The following ZC3H4 variants were observed in gnomAD, a reference collection of about 807,000 sequenced individuals.
The protein encoded by ZC3H4 is zinc finger CCCH domain-containing protein 4.
In ZC3H4, 13 loss-of-function variants were observed where a neutral mutation model predicts 108.3. The ratio of observed to expected loss-of-function variants is 0.12; its 90% CI spans 0.08 to 0.19. The LOEUF is 0.19. Ranked by LOEUF, ZC3H4 falls within the 10% of genes least tolerant of loss-of-function variation. The probability of loss-of-function intolerance (pLI) is 1.00; values close to 1 mark genes in which losing one functional copy is unlikely to be tolerated. For missense variants in ZC3H4, 1,734 were observed against 1,838.8 expected (o/e 0.94, Z 1.04); for synonymous variants, 917 against 749.6 (o/e 1.22, Z -3.65).
chr19:47,076,495 G>A (rs1388177125), intron 11 of ZC3H4, among the ~76,000 whole-genome samples: 7 of 152,186 alleles, frequency 4.6e-5, no homozygotes. Flanking sequence ...GAGTTTCTGG[G>A]GTGATGGAAT....
chr19:47,085,294 T>C, intron 7 of ZC3H4, 24 bp downstream of exon 7: 1 of 1,556,848 alleles, frequency 6.4e-7, no homozygotes. Flanking sequence ...CCACCCAGCG[T>C]GTCCTCTCCA....
At chr19:47,081,462 G>A (rs1487283564) in intron 11 of ZC3H4, 51 bp downstream of exon 11, 2 of 1,407,908 alleles carry the variant, frequency 1.4e-6, no homozygotes, top group Middle Eastern at 2.1e-4. Flanking sequence ...GCAATGGAGT[G>A]CGCATGTCCC....
At chr19:47,094,172 C>T (rs371516953) in intron 3 of ZC3H4, 92 bp from the exon 4 acceptor site, 12 of 1,332,620 alleles carry the variant, frequency 9.0e-6, no homozygotes, top group African/African-American at 1.4e-5. Context: ...TGGCATGTGC[C>T]GCAGGGCTCT....
Position 47,064,516 on chromosome 19 carries a change from C to T in ZC3H4, c.*1840G>A, listed in dbSNP as rs1320663955. Reference sequence around the variant, plus strand: ...GCTGAATATTCCAAGAGGAGGGCTCCAGCTTCTATTTCATCCACAGATTTC... The same window carrying T: ...GCTGAATATTCCAAGAGGAGGGCTCTAGCTTCTATTTCATCCACAGATTTC... On this transcript the variant is annotated 3_prime_UTR_variant, in exon 15 of 15. Coordinates refer to ENST00000253048, the MANE Select transcript of ZC3H4 (RefSeq NM_015168.2). 1 of 152,364 alleles carries T rather than the reference C, an allele frequency of 6.6e-6. No individual in the cohort carries two copies. The highest frequency in any genetic ancestry group is 1.5e-5 in the Non-Finnish European group (1 of 68,016). The allele number at this position is 152,364 out of a possible 1,614,324, so 9.4% of individuals were successfully genotyped here.
In ZC3H4 at chr19:47,085,115, C is replaced by G; in HGVS notation, c.1048G>C (p.Gly350Arg). 2 of 1,614,268 alleles carry G rather than the reference C, an allele frequency of 1.2e-6. No individual in the cohort carries two copies. The highest frequency in any genetic ancestry group is 1.1e-5 in the South Asian group (1 of 91,088). Residue 350 changes from glycine to arginine, a missense_variant, in exon 8 of 15, where the codon GGA becomes CGA. By Grantham distance (125) the Gly-to-Arg change is moderately radical (BLOSUM62 -2). Transcript: ENST00000253048. ...TTCATTCCGCCCTTGTTCATCCCTC[C>G]TCGGCTGCCACCTCGGCCTCGGCCC... ...GRGRGRGGSRGGMNKGGMNDD... is the reference protein window; with the variant it reads ...GRGRGRGGSRRGMNKGGMNDD...
rs1466849813 is a variant in ZC3H4 at position 47,064,887 on chromosome 19, A to G, written c.*1469T>C. 6.6e-6 allele frequency: 1 copy of G among 151,926 alleles called. No homozygotes were observed. Among genetic ancestry groups the G allele is most frequent in the Admixed American group, 6.6e-5 (1 of 15,234 alleles). The allele number at this position is 151,926 out of a possible 1,614,324, so 9.4% of individuals were successfully genotyped here. Reference sequence around the variant, plus strand: ...GTGGGGTGGGATAGGAGCCTTGTTCACCCCACCCTGAGGAGGAGGGAAGGG... The same window carrying G: ...GTGGGGTGGGATAGGAGCCTTGTTCGCCCCACCCTGAGGAGGAGGGAAGGG... On this transcript the variant is annotated 3_prime_UTR_variant, in exon 15 of 15. Coordinates refer to ENST00000253048, the MANE Select transcript of ZC3H4 (RefSeq NM_015168.2).
rs962863223 is a variant in ZC3H4 at position 47,064,259 on chromosome 19, G to A, written c.*2097C>T. On this transcript the variant is annotated 3_prime_UTR_variant, in exon 15 of 15. Transcript: ENST00000253048. ...TTAAGAGACCACAGGAGAAAGGCAG[G>A]TGACGTTTCTGGAAGACAGATATGG... 9.8e-5 allele frequency: 15 copies of A among 152,616 alleles called. No individual in the cohort carries two copies. Among genetic ancestry groups the A allele is most frequent in the Admixed American group, 8.5e-4 (13 of 15,272 alleles). 9.5% of individuals were successfully genotyped at this position (152,616 alleles called of 1,614,324 possible).
chr19:47,097,094 A>T, intron 2 of ZC3H4: 2 of 709,700 alleles, frequency 2.8e-6, no homozygotes, highest in Non-Finnish European at 3.5e-6. Flanking sequence ...ATCCAGAATG[A>T]TTCTAGAAAG....
chr19:47,104,697 A>AT (rs2057946898), intron 2 of ZC3H4, among the ~76,000 whole-genome samples: 1 of 152,220 alleles, frequency 6.6e-6, no homozygotes, highest in African/African-American at 2.4e-5. Flanking sequence ...CCTGCCTCGG[A>AT]TGCAGCCCAC....
intron 2 of ZC3H4, among the ~76,000 whole-genome samples, chr19:47,103,669 G>C (rs1056394697): frequency 1.3e-5 from 2 of 149,894 alleles, no homozygotes; most frequent in African/African-American, 4.9e-5. Context: ...GCTCATGCCT[G>C]TAATCCCAGC....
intron 9 of ZC3H4, 54 bp downstream of exon 9, chr19:47,084,291 T>G (rs1401860199): frequency 6.5e-7 from 1 of 1,543,900 alleles, no homozygotes; most frequent in Non-Finnish European, 8.9e-7. Flanking sequence ...GGAAGCCATG[T>G]GTCCTCTGGG....
At position 47,066,976 on chromosome 19, in the gene ZC3H4, C is replaced by T. The variant is rs778004264; in HGVS notation, c.3292G>A (p.Gly1098Ser). 3.8e-5 allele frequency: 60 copies of T among 1,589,330 alleles called. No homozygotes were observed. Among genetic ancestry groups the T allele is most frequent in the South Asian group, 2.9e-4 (26 of 88,610 alleles). Reference protein sequence around the residue: ...STASSRAAKPGPAEAPSPTAS... With the variant: ...STASSRAAKPSPAEAPSPTAS... ...GTGGGAGAGGGCGCCTCAGCAGGGCCGGGCTTGGCAGCCCGGGAGGAGGCC... is the reference window on the plus strand; with the variant it reads ...GTGGGAGAGGGCGCCTCAGCAGGGCTGGGCTTGGCAGCCCGGGAGGAGGCC... Residue 1098 changes from glycine to serine, a missense_variant, in exon 15 of 15, where the codon GGC (glycine) becomes AGC (serine). Transcript: ENST00000253048.
At position 47,103,791 on chromosome 19, in the gene ZC3H4, A is replaced by T. The variant is rs928327036; in HGVS notation, c.161+8633T>A. ...AAAAAAAAAAAAAAAAAACTACAAAAAAATAAGCCAGGCGTGGTGGCAGGC... is the reference window on the plus strand; with the variant it reads ...AAAAAAAAAAAAAAAAAACTACAAATAAATAAGCCAGGCGTGGTGGCAGGC... On this transcript the variant is annotated intron_variant, in intron 2 of 14. Coordinates refer to ENST00000253048, the MANE Select transcript of ZC3H4 (RefSeq NM_015168.2). Among the ~76,000 whole-genome samples the T allele has an allele frequency of 2.0e-4, 30 of 151,236 alleles. 1 individual carries two copies. Among genetic ancestry groups the T allele is most frequent in the Non-Finnish European group, 1.0e-4 (7 of 67,858 alleles).
chr19:47,066,589 C>T lies in ZC3H4; in HGVS notation c.3679G>A (p.Ala1227Thr), dbSNP rs1263749800. Residue 1227 changes from alanine to threonine, a missense_variant, in exon 15 of 15, where the codon GCA becomes ACA. Coordinates refer to ENST00000253048, the MANE Select transcript of ZC3H4 (RefSeq NM_015168.2). ...SYNRPRPKAA[A>T]APAATTATPP... ...GTGGCGGTGGTGGCAGCGGGGGCTG[C>T]AGCAGCCTTGGGCCGGGGCCGGTTG... The T allele has an allele frequency of 2.5e-6, 4 of 1,597,908 alleles. No homozygotes were observed. The highest frequency in any genetic ancestry group is 4.5e-5 in the East Asian group (2 of 44,544).
rs532693809 is a variant in ZC3H4 at position 47,082,036 on chromosome 19, C to T, written c.1330+148G>A. 23 of 702,998 alleles carry T rather than the reference C, an allele frequency of 3.3e-5. No homozygotes were observed. In the South Asian group the frequency reaches 3.5e-4, roughly 11 times the overall value. 43.5% of individuals were successfully genotyped at this position (702,998 alleles called of 1,614,324 possible). ...AAAGACAGACCCCTCTGAGGGCGGA[C>T]GTGAGTGTTAAATGAGATGGAGACT... On this transcript the variant is annotated intron_variant, in intron 10 of 14. Coordinates refer to ENST00000253048, the MANE Select transcript of ZC3H4 (RefSeq NM_015168.2).
chr19:47,071,988 CGTGCATGTCAGG>C lies in ZC3H4; in HGVS notation c.1924_1935del (p.Pro642_His645del), dbSNP rs768385418. 149 of 1,579,272 alleles carry C rather than the reference CGTGCATGTCAGG, an allele frequency of 9.4e-5. No homozygotes were observed. The highest frequency in any genetic ancestry group is 1.7e-4 in the Middle Eastern group (1 of 6,036). ...ATCGGCATGTCTGCGTGCATGTCTG[CGTGCATGTCAGG>C]GTGCATGTCCGGGTGCATGTCGGGG... On this transcript the variant is annotated inframe_deletion, in exon 13 of 15. Coordinates refer to ENST00000253048, the MANE Select transcript of ZC3H4 (RefSeq NM_015168.2).
intron 2 of ZC3H4, 66 bp downstream of exon 2, chr19:47,112,358 C>G (rs2058051370): frequency 8.2e-7 from 1 of 1,222,664 alleles, no homozygotes; most frequent in Non-Finnish European, 1.0e-6. Context: ...ATGGCGGCCG[C>G]CCCCCTTCCT....
chr19:47,096,845 G>A (rs745540946), intron 2 of ZC3H4: 145 of 985,296 alleles, frequency 1.5e-4, no homozygotes, highest in Non-Finnish European at 1.5e-4. Context: ...CACAAGGCAG[G>A]TGCCTGATCA....
At chr19:47,111,901 G>A (rs1280506649) in intron 2 of ZC3H4, among the ~76,000 whole-genome samples, 2 of 152,118 alleles carry the variant, frequency 1.3e-5, no homozygotes, top group Non-Finnish European at 2.9e-5. Flanking sequence ...ATACTGCCGG[G>A]GGCTGGGAGA....
Sources: gnomAD v4.1 joint callset for allele counts (sites outside exome capture counted in the v4.1 genomes callset) on GRCh38, gnomAD v4.1.1 for gene constraint, MANE v1.5 for transcripts, NCBI Gene and HGNC (gene_info 2026-07-23, HGNC 2026-07-21) for gene names.